ROBO2: variants seen among roughly 807,000 people sequenced by gnomAD.
ROBO2 encodes the protein roundabout homolog 2.
In ROBO2, 53 loss-of-function variants were observed where a neutral mutation model predicts 160.8. That is an observed-to-expected ratio of 0.33 (90% CI 0.26 to 0.41). The LOEUF is 0.41. Ranked by LOEUF, ROBO2 falls within the 10% of genes least tolerant of loss-of-function variation. ROBO2 has a pLI of 1.00. For missense variants in ROBO2, 1,577 were observed against 1,722.4 expected, an observed-to-expected ratio of 0.92 and a Z score of 1.49; for synonymous variants, 664 against 611.7, an observed-to-expected ratio of 1.09 and a Z score of -1.26.
chr3:77,272,275 AAAAG>A (rs2059541598), intron 2 of ROBO2, among the ~76,000 whole-genome samples: 1 of 152,144 alleles, frequency 6.6e-6, no homozygotes, highest in Middle Eastern at 3.2e-3. Flanking sequence ...ATTCATAAAG[AAAAG>A]AGGTTTAACT....
intron 2 of ROBO2, among the ~76,000 whole-genome samples, chr3:76,398,816 A>G (rs2077640102): frequency 6.6e-6 from 1 of 151,842 alleles, no homozygotes; most frequent in African/African-American, 2.4e-5. Flanking sequence ...AGTTTAGCAT[A>G]TTCTATTACT....
chr3:77,463,639 G>T (rs1017154474), intron 2 of ROBO2, among the ~76,000 whole-genome samples: 1 of 151,928 alleles, frequency 6.6e-6, no homozygotes, highest in Admixed American at 6.6e-5. Context: ...GGAGTGCAGT[G>T]GTGCAATCAT....
At chr3:76,446,240 A>G (rs915619620) in intron 2 of ROBO2, among the ~76,000 whole-genome samples, 1 of 152,224 alleles carries the variant, frequency 6.6e-6, no homozygotes, top group Admixed American at 6.6e-5. Context: ...TTCTTTTACA[A>G]CAATAAGAGA....
intron 2 of ROBO2, among the ~76,000 whole-genome samples, chr3:77,473,304 G>T (rs73842887): frequency 0.062 from 9,437 of 151,816 alleles, 412 homozygotes; most frequent in African/African-American, 0.12. Context: ...ATAATAAGAA[G>T]AAGAAGAAGA....
At chr3:76,855,458 T>G (rs2148573319) in intron 2 of ROBO2, among the ~76,000 whole-genome samples, 1 of 152,334 alleles carries the variant, frequency 6.6e-6, no homozygotes, top group African/African-American at 2.4e-5. Flanking sequence ...ATTTCAGACC[T>G]TTGCAATCTG....
intron 21 of ROBO2, among the ~76,000 whole-genome samples, chr3:77,615,171 TAA>T (rs2094743299): frequency 1.3e-5 from 2 of 152,002 alleles, no homozygotes; most frequent in African/African-American, 2.4e-5. Context: ...AAAAATAAAT[TAA>T]GAGTTTTTTT....
At chr3:77,563,182 T>G in exon 11 of ROBO2, 1 of 1,613,272 alleles carries the variant, frequency 6.2e-7, no homozygotes, top group Non-Finnish European at 8.5e-7. Context: ...GGAGCAACAA[T>G]CAGTAAAAAC....
At chr3:76,094,184 A>G (rs1325968267) in intron 2 of ROBO2, among the ~76,000 whole-genome samples, 1 of 152,120 alleles carries the variant, frequency 6.6e-6, no homozygotes, top group Non-Finnish European at 1.5e-5. Flanking sequence ...GAAACAAAGA[A>G]ATACACCCCT....
At chr3:77,077,501 C>G (rs1387704689) in intron 1 of ROBO2, among the ~76,000 whole-genome samples, 1 of 152,082 alleles carries the variant, frequency 6.6e-6, no homozygotes, top group African/African-American at 2.4e-5. Context: ...ACCGGCAAGC[C>G]TTGTCAATTC....
chr3:75,984,869 A>G (rs1355030139), intron 2 of ROBO2, among the ~76,000 whole-genome samples: 5 of 151,368 alleles, frequency 3.3e-5, no homozygotes, highest in East Asian at 3.9e-4. Flanking sequence ...GTGTAATAGT[A>G]GCATATTTTG....
chr3:77,310,243 A>T (rs560052337), intron 2 of ROBO2, among the ~76,000 whole-genome samples: 1 of 152,316 alleles, frequency 6.6e-6, no homozygotes, highest in African/African-American at 2.4e-5. Context: ...TAACATTGGT[A>T]AAATTTAGTC....
rs1248968346 is a variant in ROBO2 at position 77,454,760 on chromosome 3, T to G, written c.389-22654T>G. On this transcript the variant is annotated intron_variant, in intron 2 of 25. Transcript: ENST00000461745. Reference sequence around the variant, plus strand: ...TTCATTCTAACCAATTTTACTTAATTGTGTCTTCTCTTTTTCAATTTATTT... The same window carrying G: ...TTCATTCTAACCAATTTTACTTAATGGTGTCTTCTCTTTTTCAATTTATTT... Among the ~76,000 whole-genome samples, 5 of 152,230 alleles carry G rather than the reference T, an allele frequency of 3.3e-5. No individual in the cohort carries two copies. The South Asian group carries it at 1.0e-3, about 32-fold the overall frequency.
chr3:76,606,960 G>A (rs906723987), intron 2 of ROBO2, among the ~76,000 whole-genome samples: 1 of 151,938 alleles, frequency 6.6e-6, no homozygotes, highest in Non-Finnish European at 1.5e-5. Context: ...AGCTAAATAT[G>A]GAATAAATAT....
intron 2 of ROBO2, among the ~76,000 whole-genome samples, chr3:76,566,792 TAAGTAA>T (rs2084553881): frequency 6.6e-6 from 1 of 151,120 alleles, no homozygotes; most frequent in Non-Finnish European, 1.5e-5. Context: ...GAGAGAGAAA[TAAGTAA>T]AAGGAAAAGA....
At chr3:76,804,945 A>G (rs1409432101) in intron 2 of ROBO2, among the ~76,000 whole-genome samples, 2 of 152,172 alleles carry the variant, frequency 1.3e-5, no homozygotes, top group African/African-American at 4.8e-5. Flanking sequence ...AAGCATTCTA[A>G]GACTAGATTT....
At chr3:76,400,577 T>C (rs2077755030) in intron 2 of ROBO2, among the ~76,000 whole-genome samples, 1 of 151,564 alleles carries the variant, frequency 6.6e-6, no homozygotes, top group Non-Finnish European at 1.5e-5. Context: ...TTAAAATATA[T>C]GGTAATTTGT....
chr3:76,453,248 T>C (rs1254559154), intron 2 of ROBO2, among the ~76,000 whole-genome samples: 5 of 152,108 alleles, frequency 3.3e-5, no homozygotes, highest in South Asian at 2.1e-4. Context: ...GAAGTCCTTG[T>C]CCATGCCTAT....
chr3:76,364,869 C>T (rs1324460038), intron 2 of ROBO2, among the ~76,000 whole-genome samples: 1 of 152,002 alleles, frequency 6.6e-6, no homozygotes, highest in Non-Finnish European at 1.5e-5. Flanking sequence ...GGAGGGCAAC[C>T]TACGGTGTAA....
intron 2 of ROBO2, among the ~76,000 whole-genome samples, chr3:76,649,948 G>A (rs2091174953): frequency 6.6e-6 from 1 of 152,084 alleles, no homozygotes; most frequent in Non-Finnish European, 1.5e-5. Flanking sequence ...ATTACCTTTT[G>A]AAGAGTTATT....
Sources: gnomAD v4.1 joint callset for allele counts (sites outside exome capture counted in the v4.1 genomes callset) on GRCh38, gnomAD v4.1.1 for gene constraint, MANE v1.5 for transcripts, NCBI Gene and HGNC (gene_info 2026-07-23, HGNC 2026-07-21) for gene names.